The following HELZ variants were observed in gnomAD, a reference collection of about 807,000 sequenced individuals.
HELZ encodes ATP-dependent RNA helicase with zinc finger domain.
Under a neutral mutation model 218.2 loss-of-function variants are expected in HELZ, and 23 were observed. The observed-to-expected ratio is 0.11, with a 90% confidence interval of 0.08 to 0.15. The LOEUF is 0.15. HELZ is among the 10% of genes least tolerant of loss of function. The pLI is 1.00. For synonymous variants in HELZ, 814 were observed against 829.4 expected (o/e 0.98, Z 0.32); for missense variants, 1,813 against 2,353.7 (o/e 0.77, Z 4.75).
At position 67,130,644 on chromosome 17, in the gene HELZ, T is replaced by C. The variant is rs531682963; in HGVS notation, c.3183-1789A>G. On this transcript the variant is annotated intron_variant, in intron 23 of 32. Coordinates refer to ENST00000358691, the MANE Select transcript of HELZ (RefSeq NM_014877.4). ...GAGAAAATATAGGGAAGGACTATCTTATATAGCACTCAGGATCTAAAATCC... is the reference window on the plus strand; with the variant it reads ...GAGAAAATATAGGGAAGGACTATCTCATATAGCACTCAGGATCTAAAATCC... Among the ~76,000 whole-genome samples the C allele has an allele frequency of 9.9e-5, 15 of 152,280 alleles. No individual in the cohort carries two copies. The South Asian group carries it at 2.1e-3, about 21-fold the overall frequency.
intron 15 of HELZ, among the ~76,000 whole-genome samples, chr17:67,161,731 G>A (rs1168685221): frequency 6.6e-6 from 1 of 152,132 alleles, no homozygotes; most frequent in Non-Finnish European, 1.5e-5. Flanking sequence ...GGTCAAAGTA[G>A]AGAACACCTG....
chr17:67,132,200 C>G (rs901823727), intron 23 of HELZ, among the ~76,000 whole-genome samples: 9 of 150,454 alleles, frequency 6.0e-5, no homozygotes, highest in Non-Finnish European at 1.5e-5. Context: ...TAAAAAATCA[C>G]TTGGTGTCCT....
chr17:67,236,595 AAATTATAAAATCTAT>A lies in HELZ; in HGVS notation c.-19+2823_-19+2837del, dbSNP rs1472369851. 2.0e-5 allele frequency among the ~76,000 whole-genome samples: 3 copies of A among 152,336 alleles called. No homozygotes were observed. The South Asian group carries it at 6.2e-4, about 32-fold the overall frequency. On this transcript the variant is annotated intron_variant, in intron 3 of 32. Transcript: ENST00000358691. ...TTGCAGCCTTTCAATATATAAAGTT[AAATTATAAAATCTAT>A]AAGATGTAAATGTTTCATGATATAG...
At chr17:67,234,793 T>G (rs1020844450) in intron 3 of HELZ, among the ~76,000 whole-genome samples, 1 of 152,130 alleles carries the variant, frequency 6.6e-6, no homozygotes, top group Admixed American at 6.5e-5. Context: ...CCAGGAAACT[T>G]GGATATGCAA....
chr17:67,108,514 C>T lies in HELZ; in HGVS notation c.4702G>A (p.Glu1568Lys). 6 of 1,614,042 alleles carry T rather than the reference C, an allele frequency of 3.7e-6. No individual in the cohort carries two copies. The highest frequency in any genetic ancestry group is 5.1e-6 in the Non-Finnish European group (6 of 1,179,956). Residue 1568 changes from glutamate (E) to lysine (K), a missense_variant, in exon 30 of 33, where the codon GAA becomes AAA. Transcript: ENST00000358691. The surrounding 1 kb of genome is among the most constrained non-coding windows in gnomAD (Gnocchi z 4.1). ...DWKLTSSAED[E>K]VETTYSRFQD... ...TACCTTGAGTATGTGGTCTCCACTT[C>T]ATCTTCGGCACTGCTGGTGAGCTTC...
intron 31 of HELZ, among the ~76,000 whole-genome samples, chr17:67,097,155 C>T (rs1208797894): frequency 6.6e-6 from 1 of 152,158 alleles, no homozygotes; most frequent in East Asian, 1.9e-4. Context: ...AGTCAGAATA[C>T]ACATAACACT....
intron 27 of HELZ, 135 bp from the exon 28 acceptor site, chr17:67,114,538 G>A: frequency 3.7e-6 from 2 of 535,776 alleles, no homozygotes; most frequent in Non-Finnish European, 6.6e-6. Context: ...TGACTACTTG[G>A]GTTTTGTTCT....
intron 3 of HELZ, among the ~76,000 whole-genome samples, chr17:67,233,052 C>G (rs1426959943): frequency 1.3e-5 from 2 of 152,108 alleles, no homozygotes; most frequent in Non-Finnish European, 2.9e-5. Flanking sequence ...GAGAATTGCT[C>G]GAACCTGGGA....
intron 3 of HELZ, among the ~76,000 whole-genome samples, chr17:67,233,777 G>A (rs573363294): frequency 9.9e-5 from 15 of 151,404 alleles, no homozygotes; most frequent in African/African-American, 3.6e-4. Flanking sequence ...TTTCTTTAAT[G>A]TCCCATTCTT....
chr17:67,201,027 C>T (rs1254143544), intron 7 of HELZ, 102 bp downstream of exon 7: 5 of 899,198 alleles, frequency 5.6e-6, no homozygotes, highest in Non-Finnish European at 9.4e-6. Flanking sequence ...ACAGCCTCGC[C>T]TTCTGGCTGA....
At position 67,205,263 on chromosome 17, in the gene HELZ, T is replaced by C. The variant is rs1429510923; in HGVS notation, c.248-1820A>G. On this transcript the variant is annotated intron_variant, in intron 5 of 32. Transcript: ENST00000358691. ...ACCGCTTGAACCCAGGAGACAAAGG[T>C]TGCAGTGAGCCAAGATCGTACCACT... Among the ~76,000 whole-genome samples, 3 of 151,660 alleles carry C rather than the reference T, an allele frequency of 2.0e-5. No homozygotes were observed. The East Asian group carries it at 5.8e-4, about 29-fold the overall frequency.
intron 6 of HELZ, 127 bp from the exon 7 acceptor site, chr17:67,201,312 C>T: frequency 1.7e-6 from 1 of 598,044 alleles, no homozygotes; most frequent in Middle Eastern, 3.0e-4. Flanking sequence ...CATCCCTCAT[C>T]ACTACTACCA....
chr17:67,167,147 A>C (rs1359814056), intron 14 of HELZ, among the ~76,000 whole-genome samples: 1 of 152,266 alleles, frequency 6.6e-6, no homozygotes, highest in Admixed American at 6.5e-5. Flanking sequence ...ACAGGAACAG[A>C]TACAACTGCA....
intron 15 of HELZ, among the ~76,000 whole-genome samples, chr17:67,161,592 G>C (rs1276709410): frequency 6.6e-6 from 1 of 152,124 alleles, no homozygotes; most frequent in Non-Finnish European, 1.5e-5. Flanking sequence ...CTGGTTAAGA[G>C]ATCCTAATTT....
At chr17:67,134,832 C>G (rs2038097348) in intron 23 of HELZ, among the ~76,000 whole-genome samples, 1 of 152,038 alleles carries the variant, frequency 6.6e-6, no homozygotes, top group African/African-American at 2.4e-5. Flanking sequence ...AATAATTACC[C>G]AAGGCAGATT....
intron 3 of HELZ, among the ~76,000 whole-genome samples, chr17:67,233,858 T>C (rs1388148067): frequency 6.6e-6 from 1 of 151,638 alleles, no homozygotes; most frequent in Non-Finnish European, 1.5e-5. Context: ...TCTGTATACA[T>C]AGAAACCCCC....
At chr17:67,203,580 G>C in intron 5 of HELZ, 137 bp from the exon 6 acceptor site, 1 of 981,476 alleles carries the variant, frequency 1.0e-6, no homozygotes, top group Non-Finnish European at 1.5e-6. Flanking sequence ...GAGGGAAGCA[G>C]TGGTGTTTCT....
chr17:67,138,152 C>G (rs764990507), intron 21 of HELZ, 38 bp from the exon 22 acceptor site: 27 of 1,487,384 alleles, frequency 1.8e-5, no homozygotes, highest in Non-Finnish European at 2.4e-5. Context: ...TTAAAGTTAT[C>G]ACCAATGTTT....
intron 12 of HELZ, 31 bp from the exon 13 acceptor site, chr17:67,178,957 G>A: frequency 6.9e-7 from 1 of 1,453,340 alleles, no homozygotes; most frequent in East Asian, 2.3e-5. Flanking sequence ...CATTTATAAA[G>A]AAACAGAACA....
Sources: allele counts gnomAD v4.1 joint callset (sites outside exome capture counted in the v4.1 genomes callset), GRCh38; gene constraint gnomAD v4.1.1; non-coding constraint Gnocchi (gnomAD v3.1); transcripts MANE v1.5; gene names NCBI Gene and HGNC (gene_info 2026-07-23, HGNC 2026-07-21).